The following GNA14 variants were observed in gnomAD, a reference collection of about 807,000 sequenced individuals.
GNA14 encodes G protein subunit alpha 14.
GNA14 carries 50 observed loss-of-function variants against 42.0 expected under a neutral mutation model. The observed-to-expected ratio is 1.19, with a 90% CI of 0.95 to 1.51. The LOEUF is 1.51. Ranked by LOEUF, GNA14 falls within the 40% of genes most tolerant of loss-of-function variation. The probability of loss-of-function intolerance (pLI) is 0.00; values close to 1 mark genes in which losing one functional copy is unlikely to be tolerated. For missense variants in GNA14, 473 were observed against 446.2 expected, an observed-to-expected ratio of 1.06 and a Z score of -0.54; for synonymous variants, 173 against 163.1, an observed-to-expected ratio of 1.06 and a Z score of -0.46.
chr9:77,536,922 G>A (rs1172919874), intron 1 of GNA14, among the ~76,000 whole-genome samples: 1 of 152,076 alleles, frequency 6.6e-6, no homozygotes, highest in Middle Eastern at 3.2e-3. Flanking sequence ...TTTGCCATAT[G>A]TGCATTTTTT....
At chr9:77,432,244 A>G (rs1835568678) in intron 3 of GNA14, among the ~76,000 whole-genome samples, 1 of 152,182 alleles carries the variant, frequency 6.6e-6, no homozygotes, top group Non-Finnish European at 1.5e-5. Flanking sequence ...CTGTCCCAGC[A>G]CCGCATCAGG....
chr9:77,572,194 T>C (rs1346809130), intron 1 of GNA14, among the ~76,000 whole-genome samples: 1 of 152,160 alleles, frequency 6.6e-6, no homozygotes, highest in Non-Finnish European at 1.5e-5. Context: ...CTGTGAGTTA[T>C]AAGGAACTAA....
At chr9:77,427,805 G>T (rs1382319184) in intron 5 of GNA14, among the ~76,000 whole-genome samples, 1 of 152,184 alleles carries the variant, frequency 6.6e-6, no homozygotes, top group Non-Finnish European at 1.5e-5. Context: ...CCCAGGAGAC[G>T]TGAAGGCAGA....
At chr9:77,545,065 G>A (rs73460062) in intron 1 of GNA14, among the ~76,000 whole-genome samples, 15,859 of 151,750 alleles carry the variant, frequency 0.1, 890 homozygotes, top group Middle Eastern at 0.16. Context: ...TTACTTAAAG[G>A]AAAAAAAAGA....
At chr9:77,630,186 AG>A (rs2118002762) in intron 1 of GNA14, among the ~76,000 whole-genome samples, 1 of 151,094 alleles carries the variant, frequency 6.6e-6, no homozygotes, top group African/African-American at 2.4e-5. Flanking sequence ...CAATATGTCG[AG>A]GCTCATTGCA....
intron 1 of GNA14, among the ~76,000 whole-genome samples, chr9:77,584,156 A>G (rs769176151): frequency 6.6e-6 from 1 of 152,298 alleles, no homozygotes; most frequent in Non-Finnish European, 1.5e-5. Context: ...TTTACTGCCT[A>G]AACAGTGCCA....
chr9:77,500,147 C>T (rs1291237863), intron 2 of GNA14, among the ~76,000 whole-genome samples: 1 of 152,010 alleles, frequency 6.6e-6, no homozygotes, highest in Admixed American at 6.6e-5. Flanking sequence ...CTCAGCCTCC[C>T]AAGTAGCTGG....
rs1587788425 is a variant in GNA14, at chr9:77,480,101, G to A, written c.310-45579C>T. ...TCCAACACTATATTGAATAGGAGTG[G>A]TGAGAGAGGGCATCCCTGTCTTGTG... On this transcript the variant is annotated intron_variant, in intron 2 of 6. Coordinates refer to ENST00000341700, the MANE Select transcript of GNA14 (RefSeq NM_004297.4). 3.3e-5 allele frequency among the ~76,000 whole-genome samples: 5 copies of A among 152,212 alleles called. No homozygotes were observed. The South Asian group carries it at 1.0e-3, about 32-fold the overall frequency.
intron 1 of GNA14, among the ~76,000 whole-genome samples, chr9:77,614,952 T>G (rs1417615892): frequency 1.3e-5 from 2 of 152,202 alleles, no homozygotes; most frequent in Non-Finnish European, 2.9e-5. Context: ...TTTAAGGCAG[T>G]AGAAGCCAGC....
At chr9:77,547,120 G>A (rs1357710009) in intron 1 of GNA14, among the ~76,000 whole-genome samples, 1 of 152,164 alleles carries the variant, frequency 6.6e-6, no homozygotes, top group Non-Finnish European at 1.5e-5. Flanking sequence ...AGAAAATTGT[G>A]GGAGTTAGAT....
At chr9:77,469,957 C>T (rs1470707229) in intron 2 of GNA14, among the ~76,000 whole-genome samples, 1 of 152,092 alleles carries the variant, frequency 6.6e-6, no homozygotes, top group African/African-American at 2.4e-5. Flanking sequence ...CAAAACTGTA[C>T]CTTGGTATGT....
chr9:77,605,016 T>C (rs1051594836), intron 1 of GNA14, among the ~76,000 whole-genome samples: 1 of 152,232 alleles, frequency 6.6e-6, no homozygotes, highest in Non-Finnish European at 1.5e-5. Flanking sequence ...AAAATTTACC[T>C]CCGAATAGCA....
At chr9:77,492,858 G>A (rs570289309) in intron 2 of GNA14, among the ~76,000 whole-genome samples, 107 of 151,350 alleles carry the variant, frequency 7.1e-4, no homozygotes, top group African/African-American at 1.8e-3. Flanking sequence ...AAAATTAGCC[G>A]GGCATGGTGG....
intron 2 of GNA14, among the ~76,000 whole-genome samples, chr9:77,489,736 T>C (rs1367493435): frequency 6.6e-6 from 1 of 152,026 alleles, no homozygotes; most frequent in Non-Finnish European, 1.5e-5. Flanking sequence ...TCTGGAGTTG[T>C]TCATTTCTCC....
chr9:77,598,669 A>G (rs1454699940), intron 1 of GNA14, among the ~76,000 whole-genome samples: 2 of 152,196 alleles, frequency 1.3e-5, no homozygotes, highest in African/African-American at 4.8e-5. Context: ...AAAGCAGGGA[A>G]CTAGGGCCAA....
chr9:77,473,614 T>A (rs1836369575), intron 2 of GNA14, among the ~76,000 whole-genome samples: 1 of 141,388 alleles, frequency 7.1e-6, no homozygotes, highest in African/African-American at 3.1e-5. Flanking sequence ...CACCTGGATT[T>A]TTTTTTTTTT....
intron 3 of GNA14, among the ~76,000 whole-genome samples, chr9:77,432,961 T>C (rs1221037315): frequency 6.6e-6 from 1 of 152,244 alleles, no homozygotes; most frequent in Non-Finnish European, 1.5e-5. Context: ...TATGCTGATC[T>C]AACACCTCAG....
At chr9:77,529,315 C>G (rs560582041) in intron 1 of GNA14, 62 bp from the exon 2 acceptor site, 3 of 1,256,018 alleles carry the variant, frequency 2.4e-6, no homozygotes, top group East Asian at 4.6e-5. Flanking sequence ...CACGAAGAAA[C>G]AGAGGACCTC....
At chr9:77,490,418 G>T (rs976541533) in intron 2 of GNA14, among the ~76,000 whole-genome samples, 6 of 152,258 alleles carry the variant, frequency 3.9e-5, no homozygotes, top group African/African-American at 1.4e-4. Context: ...ATGGGACTGG[G>T]CACCATGGAG....
Sources: allele counts gnomAD v4.1 joint callset (sites outside exome capture counted in the v4.1 genomes callset), GRCh38; gene constraint gnomAD v4.1.1; transcripts MANE v1.5; gene names NCBI Gene and HGNC (gene_info 2026-07-23, HGNC 2026-07-21).